The following AP2B1 variants were observed in gnomAD, a reference collection of about 807,000 sequenced individuals.
AP2B1 encodes the protein AP-2 complex subunit beta.
A neutral mutation model predicts 102.0 loss-of-function variants in AP2B1; 23 were observed. The observed-to-expected ratio is 0.23, with a 90% CI of 0.16 to 0.32. The LOEUF (loss-of-function observed/expected upper bound fraction) is 0.32, where lower values mean the gene tolerates loss of function less well. Among genes scored for constraint, AP2B1 ranks in the 10% least tolerant of loss-of-function variants. The pLI is 1.00. For synonymous variants in AP2B1, 381 were observed against 421.2 expected, an observed-to-expected ratio of 0.90 and a Z score of 1.17; for missense variants, 541 against 1,157.4, an observed-to-expected ratio of 0.47 and a Z score of 7.73.
intron 13 of AP2B1, among the ~76,000 whole-genome samples, chr17:35,656,817 G>A (rs1197597375): frequency 1.3e-5 from 2 of 151,492 alleles, no homozygotes; most frequent in African/African-American, 2.4e-5. Flanking sequence ...CCTGGGAGGC[G>A]GAGCTTGCAG....
chr17:35,625,584 A>G (rs1009756688), intron 6 of AP2B1, among the ~76,000 whole-genome samples: 2 of 152,256 alleles, frequency 1.3e-5, no homozygotes, highest in East Asian at 3.9e-4. Flanking sequence ...AGCAGTGAAC[A>G]AAGTCATGGC....
chr17:35,596,716 A>G (rs1458922917), intron 2 of AP2B1, among the ~76,000 whole-genome samples: 4 of 152,080 alleles, frequency 2.6e-5, no homozygotes, highest in East Asian at 1.9e-4. Context: ...TGCCCGGTGT[A>G]GAAGCCCACG....
intron 14 of AP2B1, among the ~76,000 whole-genome samples, chr17:35,661,205 A>T (rs1422061014): frequency 6.6e-6 from 1 of 150,586 alleles, no homozygotes; most frequent in Non-Finnish European, 1.5e-5. Context: ...TTACCAGTTT[A>T]AAAAAAAATA....
intron 17 of AP2B1, among the ~76,000 whole-genome samples, chr17:35,678,866 C>G (rs1225363815): frequency 2.0e-5 from 3 of 152,004 alleles, no homozygotes; most frequent in African/African-American, 4.8e-5. Context: ...TTTACCTTTT[C>G]CTGTTGTCTT....
At chr17:35,668,002 A>T (rs1466076535) in intron 14 of AP2B1, among the ~76,000 whole-genome samples, 1 of 138,542 alleles carries the variant, frequency 7.2e-6, no homozygotes, top group Non-Finnish European at 1.5e-5. Flanking sequence ...CAATGGCATG[A>T]TCTCGGCTCA....
At chr17:35,639,876 A>AT (rs2074717372) in intron 11 of AP2B1, 116 bp downstream of exon 11, 4 of 901,852 alleles carry the variant, frequency 4.4e-6, no homozygotes. Flanking sequence ...TAGTATGTTC[A>AT]TTTTTCTCCC....
At chr17:35,631,480 T>TCC (rs1215822493) in intron 9 of AP2B1, among the ~76,000 whole-genome samples, 1 of 152,182 alleles carries the variant, frequency 6.6e-6, no homozygotes, top group East Asian at 1.9e-4. Context: ...ATTGTTTATA[T>TCC]AGTGTTCTAT....
Position 35,598,275 on chromosome 17 carries a change from A to G in AP2B1, c.83A>G (p.Glu28Gly). ...LKAELNNEKK[E>G]KRKEAVKKVI... is the part of the protein sequence containing the mutation. ...GCTGAACTCAACAATGAAAAGAAAG[A>G]AAAGAGAAAGGAGGCTGTGAAGAAA... Residue 28 changes from glutamate to glycine, a missense_variant, in exon 3 of 22, where the codon GAA becomes GGA. Around this residue, in one of 10 missense-constraint regions of AP2B1, gnomAD observed 9 missense variants for 50.5 expected, o/e 0.18. Coordinates refer to ENST00000610402, the MANE Select transcript of AP2B1 (RefSeq NM_001030006.2). The G allele has an allele frequency of 1.9e-6, 3 of 1,613,786 alleles. No homozygotes were observed. Among genetic ancestry groups the G allele is most frequent in the Non-Finnish European group, 2.5e-6 (3 of 1,179,806 alleles).
chr17:35,637,110 A>C (rs1469796616), intron 10 of AP2B1, among the ~76,000 whole-genome samples: 1 of 152,248 alleles, frequency 6.6e-6, no homozygotes, highest in African/African-American at 2.4e-5. Context: ...GAAAACAAGT[A>C]ATTAAGGAAT....
intron 14 of AP2B1, among the ~76,000 whole-genome samples, chr17:35,666,160 A>T (rs536917773): frequency 5.9e-5 from 9 of 152,162 alleles, no homozygotes; most frequent in Non-Finnish European, 1.3e-4. Flanking sequence ...TTTTGGCTCT[A>T]CCTGGCTCTA....
At chr17:35,669,209 T>C (rs2075535188) in intron 14 of AP2B1, among the ~76,000 whole-genome samples, 1 of 151,254 alleles carries the variant, frequency 6.6e-6, no homozygotes, top group Non-Finnish European at 1.5e-5. Context: ...AATGGCATGA[T>C]CTCAGCTCAC....
chr17:35,648,029 C>G (rs902431309), intron 12 of AP2B1, among the ~76,000 whole-genome samples: 2 of 151,790 alleles, frequency 1.3e-5, no homozygotes, highest in Non-Finnish European at 2.9e-5. Context: ...GTAGCTGGGA[C>G]TACAGGCATG....
chr17:35,643,337 A>G (rs914213378), intron 12 of AP2B1, among the ~76,000 whole-genome samples: 7 of 152,234 alleles, frequency 4.6e-5, no homozygotes, highest in African/African-American at 1.4e-4. Context: ...CAATTTCTAA[A>G]GAGAATTTTG....
In AP2B1 at chr17:35,674,469, G is replaced by A. The variant is rs554454088; in HGVS notation, c.2324+148G>A. Reference sequence around the variant, plus strand: ...CTATAATCCCAGCATTTGGGAGGCCGAGACGGGCTGATTACCTGAGGTCAG... The same window carrying A: ...CTATAATCCCAGCATTTGGGAGGCCAAGACGGGCTGATTACCTGAGGTCAG... On this transcript the variant is annotated intron_variant, in intron 17 of 21. Coordinates refer to ENST00000610402, the MANE Select transcript of AP2B1 (RefSeq NM_001030006.2). 8.3e-5 allele frequency: 79 copies of A among 948,606 alleles called. No individual in the cohort carries two copies. In the African/African-American group the frequency reaches 1.0e-3, roughly 12 times the overall value. 58.8% of individuals were successfully genotyped at this position (948,606 alleles called of 1,614,324 possible).
At chr17:35,687,753 G>A (rs991792059) in intron 18 of AP2B1, among the ~76,000 whole-genome samples, 1 of 151,970 alleles carries the variant, frequency 6.6e-6, no homozygotes, top group African/African-American at 2.4e-5. Context: ...GTCTCACTGT[G>A]TTGCCCAGGC....
chr17:35,707,083 C>T (rs372546852), intron 18 of AP2B1, among the ~76,000 whole-genome samples: 5 of 152,166 alleles, frequency 3.3e-5, no homozygotes, highest in African/African-American at 9.7e-5. Flanking sequence ...TACTCTTTCC[C>T]GGAAGCCCAC....
At chr17:35,591,861 A>C (rs2073111202) in intron 1 of AP2B1, among the ~76,000 whole-genome samples, 1 of 152,198 alleles carries the variant, frequency 6.6e-6, no homozygotes, top group Non-Finnish European at 1.5e-5. Context: ...CTTCAGTATA[A>C]TTTTTAATTA....
chr17:35,603,179 T>C (rs1218297771), intron 3 of AP2B1, among the ~76,000 whole-genome samples: 1 of 152,246 alleles, frequency 6.6e-6, no homozygotes, highest in Admixed American at 6.5e-5. Flanking sequence ...ATATACCCTG[T>C]GACCAGCTAT....
At chr17:35,593,861 A>G (rs1266877122) in intron 1 of AP2B1, 147 bp from the exon 2 acceptor site, 1 of 497,104 alleles carries the variant, frequency 2.0e-6, no homozygotes, top group Non-Finnish European at 3.6e-6. Context: ...TGAACCATCA[A>G]CGGTGGTGAT....
Sources: allele counts gnomAD v4.1 joint callset (sites outside exome capture counted in the v4.1 genomes callset), GRCh38; gene constraint gnomAD v4.1.1; regional missense constraint gnomAD v4.1.1; transcripts MANE v1.5; gene names NCBI Gene and HGNC (gene_info 2026-07-23, HGNC 2026-07-21).